STAG2: variants seen among roughly 807,000 people sequenced by gnomAD.
STAG2 encodes the protein STAG2 cohesin complex component, also known as cohesin subunit SA-2.
Under a neutral mutation model 108.1 loss-of-function variants are expected in STAG2, and 14 were observed. The ratio of observed to expected loss-of-function variants is 0.13; its 90% CI spans 0.09 to 0.20. The LOEUF (loss-of-function observed/expected upper bound fraction) is 0.20, where lower values mean the gene tolerates loss of function less well. Among genes scored for constraint, STAG2 ranks in the 10% least tolerant of loss-of-function variants. The pLI, the probability that STAG2 is intolerant of heterozygous loss-of-function variation, is 1.00. For synonymous variants in STAG2, 307 were observed against 302.7 expected (o/e 1.01, Z -0.15); for missense variants, 440 against 940.9 (o/e 0.47, Z 6.96).
chrX:124,047,664 G>A (rs935797427), intron 9 of STAG2, among the ~76,000 whole-genome samples, 159 bp downstream of exon 9: 27 of 111,549 alleles, frequency 2.4e-4, no homozygotes, highest in African/African-American at 6.8e-4. Flanking sequence ...ATGAATATCC[G>A]TGCCAACAAT....
intron 27 of STAG2, 45 bp downstream of exon 27, chrX:124,078,103 A>G (rs771470453): frequency 1.1e-6 from 1 of 926,169 alleles, no homozygotes; most frequent in Admixed American, 2.9e-5. Context: ...ATTAACACCT[A>G]ATAGTTAGCA....
intron 23 of STAG2, among the ~76,000 whole-genome samples, chrX:124,067,039 C>T (rs377151629): frequency 1.5e-3 from 169 of 111,029 alleles, no homozygotes; most frequent in African/African-American, 5.3e-3. Context: ...ATTGTTTGGG[C>T]TCATTTTTAG....
chrX:124,095,336 TA>T, intron 33 of STAG2, 35 bp from the exon 34 acceptor site: 1 of 1,122,906 alleles, frequency 8.9e-7, no homozygotes, highest in Non-Finnish European at 1.2e-6. Flanking sequence ...TAGATATAGC[TA>T]AACTAATGTC....
At chrX:124,027,280 TTAAC>T (rs1045031164) in intron 4 of STAG2, among the ~76,000 whole-genome samples, 1 of 111,884 alleles carries the variant, frequency 8.9e-6, no homozygotes. Context: ...CATAATTTAT[TTAAC>T]TAATGCTTGG....
chrX:124,079,814 T>G (rs1483341167), intron 27 of STAG2, among the ~76,000 whole-genome samples: 1 of 112,257 alleles, frequency 8.9e-6, no homozygotes, highest in Non-Finnish European at 1.9e-5. Context: ...CTCTTTTTTA[T>G]GCGTACATGA....
At chrX:124,010,938 A>G (rs1483022176) in intron 1 of STAG2, among the ~76,000 whole-genome samples, 1 of 111,137 alleles carries the variant, frequency 9.0e-6, no homozygotes, top group Non-Finnish European at 1.9e-5. Context: ...AAAAAGTGCT[A>G]TTGGAATTTT....
chrX:124,000,459 C>T (rs1396207508), intron 1 of STAG2, among the ~76,000 whole-genome samples: 1 of 110,895 alleles, frequency 9.0e-6, no homozygotes, highest in Non-Finnish European at 1.9e-5. Context: ...CAGTTGAGCC[C>T]AGGAGCTTGA....
chrX:124,096,758 C>T (rs1178139031), intron 34 of STAG2, among the ~76,000 whole-genome samples: 1 of 112,348 alleles, frequency 8.9e-6, no homozygotes, highest in Admixed American at 9.4e-5. Flanking sequence ...GTTATACCAT[C>T]CTCAAAGGCC....
At chrX:124,068,693 C>T in intron 24 of STAG2, 37 bp downstream of exon 24, 1 of 966,695 alleles carries the variant, frequency 1.0e-6, no homozygotes, top group South Asian at 2.3e-5. Context: ...TTTTTGTAAG[C>T]AACCTTTATA....
At chrX:124,096,749 T>A (rs1407609458) in intron 34 of STAG2, among the ~76,000 whole-genome samples, 1 of 112,269 alleles carries the variant, frequency 8.9e-6, no homozygotes, top group African/African-American at 3.2e-5. Context: ...CAGGTGACGG[T>A]TATACCATCC....
In STAG2 at chrX:124,077,992, A is replaced by G. The variant is rs753699606; in HGVS notation, c.2709A>G (p.Thr903=). The part of the protein sequence containing the change: ...YNDYGDIIKE[T]MSKTRQIDKI... ...ACTATGGAGATATCATCAAAGAAAC[A>G]ATGAGTAAAACAAGGCAGATAGACA... Residue 903 remains threonine, a synonymous_variant, in exon 27 of 35, where the codon ACA becomes ACG. Transcript: ENST00000371145. The G allele has an allele frequency of 8.4e-7, 1 of 1,192,784 alleles. No individual in the cohort carries two copies. Among genetic ancestry groups the G allele is most frequent in the Non-Finnish European group, 1.1e-6 (1 of 886,292 alleles).
chrX:124,037,034 C>T (rs961466382), intron 5 of STAG2, among the ~76,000 whole-genome samples: 3 of 110,001 alleles, frequency 2.7e-5, no homozygotes, highest in African/African-American at 9.9e-5. Flanking sequence ...TACAGGCGTG[C>T]ACCACCACGC....
intron 5 of STAG2, among the ~76,000 whole-genome samples, chrX:124,035,628 G>A (rs1298705720): frequency 8.9e-6 from 1 of 112,189 alleles, no homozygotes; most frequent in East Asian, 2.8e-4. Flanking sequence ...TGAGTGCCTG[G>A]CACTAACACA....
chrX:124,051,107 T>TG lies in STAG2; in HGVS notation c.1018-14_1018-13insG, dbSNP rs2148225510. 1.2e-6 allele frequency: 1 copy of TG among 866,638 alleles called. No homozygotes were observed. Among genetic ancestry groups the TG allele is most frequent in the Non-Finnish European group, 1.5e-6 (1 of 653,074 alleles). The allele number at this position is 866,638 out of a possible 1,213,427, so 71.4% of individuals were successfully genotyped here. A position where few individuals can be genotyped will look rare whatever the true frequency, so the allele number is the denominator to read the frequency against. Reference sequence around the variant, plus strand: ...TTAATGCATTGTCTCATCTTTTTTTTTTTTTTTTTTTAGCAAGGTGAAGTA... The same window carrying TG: ...TTAATGCATTGTCTCATCTTTTTTTTGTTTTTTTTTTTAGCAAGGTGAAGTA... On this transcript the variant is annotated splice_polypyrimidine_tract_variant and intron_variant, in intron 11 of 34. Transcript: ENST00000371145.
chrX:124,084,497 T>C (rs2059048599), intron 29 of STAG2, among the ~76,000 whole-genome samples: 1 of 110,863 alleles, frequency 9.0e-6, no homozygotes, highest in African/African-American at 3.3e-5. Flanking sequence ...TTTGTATTTT[T>C]AGTAGAGACA....
At chrX:124,050,115 C>G (rs147386628) in intron 10 of STAG2, 71 bp from the exon 11 acceptor site, 11,992 of 1,116,587 alleles carry the variant, frequency 0.011, 56 homozygotes, top group Non-Finnish European at 0.012. Flanking sequence ...TACTTGGCAT[C>G]TCTTGAATAA....
chrX:124,058,125 T>A (rs1039052817), intron 15 of STAG2, 148 bp downstream of exon 15: 4 of 307,133 alleles, frequency 1.3e-5, no homozygotes. Flanking sequence ...CCCCAATTTT[T>A]TTTTTTAAAT....
intron 1 of STAG2, among the ~76,000 whole-genome samples, chrX:123,991,430 G>T (rs1288412851): frequency 9.1e-6 from 1 of 109,873 alleles, no homozygotes; most frequent in Non-Finnish European, 1.9e-5. Context: ...TCAGCTCACT[G>T]CAACCTCCGC....
At chrX:123,974,049 C>T (rs1327460635) in intron 1 of STAG2, among the ~76,000 whole-genome samples, 1 of 110,043 alleles carries the variant, frequency 9.1e-6, no homozygotes, top group African/African-American at 3.3e-5. Context: ...GCACTGTGTT[C>T]CTAATGTGAG....
Sources: gnomAD v4.1 joint callset for allele counts (sites outside exome capture counted in the v4.1 genomes callset) on GRCh38, gnomAD v4.1.1 for gene constraint, MANE v1.5 for transcripts, NCBI Gene and HGNC (gene_info 2026-07-23, HGNC 2026-07-21) for gene names.